Variants in NRXN3 observed in about 807,000 individuals in gnomAD.
NRXN3 encodes the protein neurexin 3.
A neutral mutation model predicts 137.6 loss-of-function variants in NRXN3; 32 were observed. The observed-to-expected ratio is 0.23, with a 90% CI of 0.18 to 0.31. NRXN3 has a LOEUF of 0.31. NRXN3 is among the 10% of genes least tolerant of loss of function. The probability of loss-of-function intolerance (pLI) is 1.00; values close to 1 mark genes in which losing one functional copy is unlikely to be tolerated. For synonymous variants in NRXN3, 798 were observed against 784.5 expected (o/e 1.02, Z -0.29); for missense variants, 1,574 against 2,062.5 (o/e 0.76, Z 4.59).
At chr14:79,514,043 T>C (rs529672043) in intron 16 of NRXN3, among the ~76,000 whole-genome samples, 1 of 152,282 alleles carries the variant, frequency 6.6e-6, no homozygotes, top group South Asian at 2.1e-4. Flanking sequence ...TACTACATCA[T>C]GCAACCTGCT....
At chr14:79,290,194 G>C (rs1157864779) in intron 15 of NRXN3, among the ~76,000 whole-genome samples, 3 of 152,152 alleles carry the variant, frequency 2.0e-5, no homozygotes, top group Admixed American at 1.3e-4. Context: ...TGATCTGCCT[G>C]TTCCTGTAGT....
chr14:79,079,057 C>G (rs1241943113), intron 15 of NRXN3, among the ~76,000 whole-genome samples: 1 of 152,184 alleles, frequency 6.6e-6, no homozygotes, highest in African/African-American at 2.4e-5. Context: ...CTTTCTCCAG[C>G]TCCTCAGGAG....
intron 15 of NRXN3, among the ~76,000 whole-genome samples, chr14:79,150,031 C>T (rs2059657089): frequency 6.6e-6 from 1 of 151,966 alleles, no homozygotes; most frequent in Non-Finnish European, 1.5e-5. Context: ...CATTACTTTC[C>T]CCACTGTTTT....
intron 4 of NRXN3, among the ~76,000 whole-genome samples, chr14:78,620,499 C>T (rs1415637919): frequency 2.6e-5 from 4 of 152,110 alleles, no homozygotes; most frequent in Non-Finnish European, 4.4e-5. Flanking sequence ...TTGGTGGCTA[C>T]GACCACATAG....
In NRXN3 at chr14:79,028,585, T is replaced by C. The variant is rs182848029; in HGVS notation, c.3262+40444T>C. ...AGATGACAGATTAGAAACTGTCTGG[T>C]GGCTAATGTACTGTTTACTGCAGTA... On this transcript the variant is annotated intron_variant, in intron 15 of 20. Transcript: ENST00000335750. Among the ~76,000 whole-genome samples the C allele has an allele frequency of 4.2e-3, 645 of 152,282 alleles. 5 individuals carry two copies. The highest frequency in any genetic ancestry group is 7.4e-3 in the Non-Finnish European group (506 of 68,018).
intron 1 of NRXN3, among the ~76,000 whole-genome samples, chr14:78,178,409 G>T (rs888872571): frequency 3.3e-5 from 5 of 152,182 alleles, no homozygotes; most frequent in Non-Finnish European, 7.3e-5. Context: ...TCTTTTGCAT[G>T]GCACTAAGGA....
chr14:78,797,770 G>A (rs2153068501), intron 8 of NRXN3, among the ~76,000 whole-genome samples: 1 of 152,224 alleles, frequency 6.6e-6, no homozygotes, highest in South Asian at 2.1e-4. Context: ...CCATGTGACT[G>A]GGATGCCTCA....
intron 4 of NRXN3, among the ~76,000 whole-genome samples, chr14:78,539,696 A>T (rs979506364): frequency 6.6e-6 from 1 of 151,906 alleles, no homozygotes; most frequent in African/African-American, 2.4e-5. Context: ...TTTTAATTGT[A>T]ATGTTAGGGT....
intron 15 of NRXN3, among the ~76,000 whole-genome samples, chr14:79,364,465 A>C (rs986262280): frequency 6.6e-5 from 10 of 152,238 alleles, no homozygotes; most frequent in Admixed American, 5.9e-4. Flanking sequence ...ACTCAAAGGC[A>C]AGTAATTTCA....
chr14:79,012,159 G>A (rs1057492254), intron 15 of NRXN3, among the ~76,000 whole-genome samples: 3 of 152,170 alleles, frequency 2.0e-5, no homozygotes, highest in African/African-American at 7.2e-5. Context: ...TATGTGCTGA[G>A]CAGGTGCAGG....
At chr14:78,615,925 A>T (rs61976095) in intron 4 of NRXN3, among the ~76,000 whole-genome samples, 7,631 of 152,158 alleles carry the variant, frequency 0.05, 253 homozygotes, top group Middle Eastern at 0.15. Flanking sequence ...AAATCACTAT[A>T]CTCCAGCCTG....
At chr14:79,153,133 T>C (rs903825795) in intron 15 of NRXN3, among the ~76,000 whole-genome samples, 1 of 151,946 alleles carries the variant, frequency 6.6e-6, no homozygotes, top group Non-Finnish European at 1.5e-5. Context: ...GTTTTGATTT[T>C]CCGGAAAAAC....
intron 16 of NRXN3, among the ~76,000 whole-genome samples, chr14:79,470,947 A>AGTGT (rs777013517): frequency 9.7e-6 from 1 of 102,730 alleles, no homozygotes; most frequent in Non-Finnish European, 1.9e-5. Context: ...AGAAAGAGAG[A>AGTGT]GAGAGTGTGT....
chr14:79,851,977 C>CA (rs35042494), intron 20 of NRXN3, among the ~76,000 whole-genome samples: 36,334 of 149,072 alleles, frequency 0.24, 4,521 homozygotes, highest in South Asian at 0.3. Context: ...GCCATTCTTA[C>CA]AAAAAAAAAA....
chr14:79,325,917 G>GA (rs977408012), intron 15 of NRXN3, among the ~76,000 whole-genome samples: 2 of 151,646 alleles, frequency 1.3e-5, no homozygotes, highest in Admixed American at 6.6e-5. Context: ...TCTTCAAAAG[G>GA]AAAAAATAAA....
intron 16 of NRXN3, among the ~76,000 whole-genome samples, chr14:79,502,648 A>G (rs2096837186): frequency 6.6e-6 from 1 of 151,716 alleles, no homozygotes; most frequent in African/African-American, 2.4e-5. Context: ...TTTGGTCAAG[A>G]TTCAAGTGGA....
At chr14:78,566,316 G>A (rs2096835259) in intron 4 of NRXN3, among the ~76,000 whole-genome samples, 2 of 151,962 alleles carry the variant, frequency 1.3e-5, no homozygotes, top group Non-Finnish European at 2.9e-5. Flanking sequence ...CGCTCCTGCT[G>A]AAAGGAAGTG....
intron 16 of NRXN3, among the ~76,000 whole-genome samples, chr14:79,591,187 A>T (rs1031969537): frequency 6.6e-6 from 1 of 152,238 alleles, no homozygotes; most frequent in Non-Finnish European, 1.5e-5. Context: ...TTTATGAAAA[A>T]TATACTATTT....
At chr14:79,453,049 T>A (rs1320113086) in intron 15 of NRXN3, among the ~76,000 whole-genome samples, 2 of 152,246 alleles carry the variant, frequency 1.3e-5, no homozygotes, top group Non-Finnish European at 2.9e-5. Flanking sequence ...ATCTCTTATG[T>A]GGCTCTTGGC....
Sources: allele counts gnomAD v4.1 joint callset (sites outside exome capture counted in the v4.1 genomes callset), GRCh38; gene constraint gnomAD v4.1.1; transcripts MANE v1.5; gene names NCBI Gene and HGNC (gene_info 2026-07-23, HGNC 2026-07-21).